The following KSR2 variants were observed in gnomAD, a reference collection of about 807,000 sequenced individuals.
KSR2 encodes kinase suppressor of ras 2.
KSR2 carries 25 observed loss-of-function variants against 107.8 expected under a neutral mutation model. The observed-to-expected ratio is 0.23, with a 90% CI of 0.17 to 0.32. The LOEUF is 0.32. Ranked by LOEUF, KSR2 falls within the 10% of genes least tolerant of loss-of-function variation. The pLI, the probability that KSR2 is intolerant of heterozygous loss-of-function variation, is 1.00. For synonymous variants in KSR2, 480 were observed against 507.0 expected, an observed-to-expected ratio of 0.95 and a Z score of 0.71; for missense variants, 887 against 1,268.9, an observed-to-expected ratio of 0.70 and a Z score of 4.57.
In KSR2 at chr12:117,941,613, C is replaced by CTTTTTT. The variant is rs139487553; in HGVS notation, c.180+26457_180+26462dup. Among the ~76,000 whole-genome samples the CTTTTTT allele has an allele frequency of 4.3e-4, 23 of 52,974 alleles. 3 individuals carry two copies. Among genetic ancestry groups the CTTTTTT allele is most frequent in the South Asian group, 1.8e-3 (2 of 1,130 alleles). The allele number at this position is 52,974 out of a possible 152,430, so 34.8% of individuals were successfully genotyped here. ...TGAAGCTATAAAATCACAGGCTTTCCTTTTTTTTTTTTTTTTTTTTTTTTT... is the reference window on the plus strand; with the variant it reads ...TGAAGCTATAAAATCACAGGCTTTCCTTTTTTTTTTTTTTTTTTTTTTTTTTTTTTT... On this transcript the variant is annotated intron_variant, in intron 1 of 19. Transcript: ENST00000339824.
intron 3 of KSR2, among the ~76,000 whole-genome samples, chr12:117,790,006 G>A (rs1442473342): frequency 6.6e-6 from 1 of 152,146 alleles, no homozygotes; most frequent in Non-Finnish European, 1.5e-5. Context: ...CTAGACCAAT[G>A]CCCTGGGCTG....
intron 3 of KSR2, among the ~76,000 whole-genome samples, chr12:117,822,303 C>T (rs946811630): frequency 3.3e-5 from 5 of 152,082 alleles, no homozygotes; most frequent in East Asian, 1.9e-4. Context: ...CTTTACTCTA[C>T]GGACTCGCCC....
At chr12:117,483,378 A>T (rs1047535516) in intron 16 of KSR2, among the ~76,000 whole-genome samples, 16 of 152,056 alleles carry the variant, frequency 1.1e-4, no homozygotes, top group Middle Eastern at 3.4e-3. Flanking sequence ...AAAAAATAAA[A>T]AAATAAATAA....
intron 5 of KSR2, among the ~76,000 whole-genome samples, chr12:117,628,954 T>TC (rs1882673233): frequency 6.6e-6 from 1 of 152,214 alleles, no homozygotes; most frequent in Non-Finnish European, 1.5e-5. Flanking sequence ...CAGATCGATC[T>TC]CGGACTGCTG....
At chr12:117,683,742 A>G (rs927221916) in intron 4 of KSR2, among the ~76,000 whole-genome samples, 3 of 152,220 alleles carry the variant, frequency 2.0e-5, no homozygotes, top group African/African-American at 7.2e-5. Context: ...CTTCAGGTCT[A>G]GGGCAAGAGA....
chr12:117,868,954 C>T (rs543703680), intron 1 of KSR2, among the ~76,000 whole-genome samples: 7 of 152,056 alleles, frequency 4.6e-5, no homozygotes, highest in South Asian at 4.2e-4. Flanking sequence ...TTTTGTGCCA[C>T]GTTGACCAGG....
intron 3 of KSR2, among the ~76,000 whole-genome samples, chr12:117,816,862 G>T (rs746419351): frequency 2.6e-5 from 4 of 152,188 alleles, no homozygotes; most frequent in Admixed American, 1.3e-4. Flanking sequence ...AAGTGGGTCT[G>T]CCCATAGTTC....
At chr12:117,836,042 T>G (rs1455729809) in intron 3 of KSR2, among the ~76,000 whole-genome samples, 1 of 152,170 alleles carries the variant, frequency 6.6e-6, no homozygotes, top group Non-Finnish European at 1.5e-5. Context: ...TGCCCACTCT[T>G]GGGGAGTAAA....
chr12:117,692,195 A>G (rs530192), intron 4 of KSR2, among the ~76,000 whole-genome samples: 115,997 of 151,916 alleles, frequency 0.76, 45,328 homozygotes, highest in Middle Eastern at 0.88. Context: ...GCCAACAAGT[A>G]TATGAAAAGA....
chr12:117,647,004 G>C (rs1335315249), intron 5 of KSR2, among the ~76,000 whole-genome samples: 1 of 152,182 alleles, frequency 6.6e-6, no homozygotes, highest in Non-Finnish European at 1.5e-5. Context: ...ACAGAGATGA[G>C]AGACATGGTG....
At chr12:117,823,098 G>A (rs1271678133) in intron 3 of KSR2, among the ~76,000 whole-genome samples, 1 of 149,990 alleles carries the variant, frequency 6.7e-6, no homozygotes, top group Admixed American at 6.8e-5. Flanking sequence ...CCTGAAGTGA[G>A]AATGGCATTC....
At chr12:117,831,366 C>A (rs1891957531) in intron 3 of KSR2, among the ~76,000 whole-genome samples, 1 of 152,208 alleles carries the variant, frequency 6.6e-6, no homozygotes, top group African/African-American at 2.4e-5. Context: ...GAAGCAGGGG[C>A]AGGACAGCCC....
At chr12:117,537,829 G>A (rs1200013153) in intron 10 of KSR2, among the ~76,000 whole-genome samples, 1 of 152,186 alleles carries the variant, frequency 6.6e-6, no homozygotes, top group Non-Finnish European at 1.5e-5. Context: ...CTGAGGGAAG[G>A]AAGGAGCTAA....
In KSR2 at chr12:117,912,684, G is replaced by A. The variant is rs1419221753; in HGVS notation, c.181-52253C>T. Among the ~76,000 whole-genome samples, 3 of 152,176 alleles carry A rather than the reference G, an allele frequency of 2.0e-5. No individual in the cohort carries two copies. In the East Asian group the frequency reaches 5.8e-4, roughly 29 times the overall value. ...TGGTGGGATTACGGGACTCTGTTTT[G>A]TACTTTGTAACACTTTTACATCCTG... On this transcript the variant is annotated intron_variant, in intron 1 of 19. Transcript: ENST00000339824.
intron 7 of KSR2, among the ~76,000 whole-genome samples, chr12:117,571,533 C>T (rs1022912489): frequency 2.0e-5 from 3 of 152,130 alleles, no homozygotes; most frequent in African/African-American, 7.2e-5. Context: ...AGGTACGAGC[C>T]ATTTGCTGCA....
intron 5 of KSR2, among the ~76,000 whole-genome samples, chr12:117,584,435 G>C (rs373211397): frequency 6.6e-6 from 1 of 152,196 alleles, no homozygotes; most frequent in South Asian, 2.1e-4. Context: ...AAGGGTTAGC[G>C]TCCTCACAAG....
intron 5 of KSR2, among the ~76,000 whole-genome samples, chr12:117,603,357 C>G (rs1174655716): frequency 6.6e-6 from 1 of 152,204 alleles, no homozygotes; most frequent in Non-Finnish European, 1.5e-5. Flanking sequence ...TAACTGAAAC[C>G]AAGATTACAG....
At chr12:117,700,227 A>G (rs899397919) in intron 4 of KSR2, among the ~76,000 whole-genome samples, 2 of 152,090 alleles carry the variant, frequency 1.3e-5, no homozygotes, top group Admixed American at 6.5e-5. Context: ...CCATGACTGT[A>G]TTGTTATCCT....
chr12:117,558,271 G>T (rs1026832682), intron 8 of KSR2, among the ~76,000 whole-genome samples: 2 of 152,138 alleles, frequency 1.3e-5, no homozygotes, highest in African/African-American at 4.8e-5. Context: ...GGGAGACAAA[G>T]GGAGCTAAAG....
Sources: gnomAD v4.1 joint callset for allele counts (sites outside exome capture counted in the v4.1 genomes callset) on GRCh38, gnomAD v4.1.1 for gene constraint, MANE v1.5 for transcripts, NCBI Gene and HGNC (gene_info 2026-07-23, HGNC 2026-07-21) for gene names.